SPMIP11: variants seen among roughly 807,000 people sequenced by gnomAD.
SPMIP11 encodes long intergenic non-protein coding RNA 935.
the SPMIP11 span, among the ~76,000 whole-genome samples, chr12:48,749,306 C>T: frequency 6.6e-6 from 1 of 150,884 alleles, no homozygotes; most frequent in East Asian, 2.0e-4. Flanking sequence ...CCCTCATTTC[C>T]TATTTCTCTG....
At chr12:48,732,142 G>A in the SPMIP11 span, among the ~76,000 whole-genome samples, 1 of 140,278 alleles carries the variant, frequency 7.1e-6, no homozygotes, top group Non-Finnish European at 1.5e-5. Flanking sequence ...GAGTAAGATT[G>A]TCTCAAAAAA....
the SPMIP11 span, among the ~76,000 whole-genome samples, chr12:48,746,780 G>A: frequency 1.3e-4 from 19 of 151,994 alleles, no homozygotes; most frequent in Non-Finnish European, 2.1e-4. Context: ...AATTAGCTGG[G>A]CATGGTGGTG....
chr12:48,768,156 TTTGTACAAAATA>T, the SPMIP11 span: 2 of 253,262 alleles, frequency 7.9e-6, no homozygotes, highest in Non-Finnish European at 1.6e-5. Flanking sequence ...CATGCCTGTC[TTTGTACAAAATA>T]TTGTACAAAA....
At chr12:48,741,058 C>A in the SPMIP11 span, among the ~76,000 whole-genome samples, 1 of 145,500 alleles carries the variant, frequency 6.9e-6, no homozygotes, top group Non-Finnish European at 1.5e-5. Context: ...ACCTTCGTTT[C>A]ATGATATTGA....
At chr12:48,745,405 G>A in the SPMIP11 span, among the ~76,000 whole-genome samples, 1 of 151,952 alleles carries the variant, frequency 6.6e-6, no homozygotes, top group Non-Finnish European at 1.5e-5. Context: ...AGGAGTTCGA[G>A]ACCAGCCTGA....
the SPMIP11 span, among the ~76,000 whole-genome samples, chr12:48,728,068 C>T: frequency 2.6e-5 from 4 of 151,524 alleles, no homozygotes; most frequent in African/African-American, 4.8e-5. Context: ...AAAAGACACA[C>T]AATTTGTTCA....
At chr12:48,728,577 G>GGGCA in the SPMIP11 span, among the ~76,000 whole-genome samples, 1 of 152,004 alleles carries the variant, frequency 6.6e-6, no homozygotes, top group Non-Finnish European at 1.5e-5. Flanking sequence ...GCGTGATGGC[G>GGGCA]GGCGCCTGTA....
At chr12:48,742,631 C>G in the SPMIP11 span, among the ~76,000 whole-genome samples, 2 of 152,198 alleles carry the variant, frequency 1.3e-5, no homozygotes, top group South Asian at 4.1e-4. Flanking sequence ...CACCTGTAAT[C>G]TCAGCACTTT....
chr12:48,760,380 G>A, the SPMIP11 span, among the ~76,000 whole-genome samples: 1 of 151,396 alleles, frequency 6.6e-6, no homozygotes, highest in Non-Finnish European at 1.5e-5. Flanking sequence ...GTCATGCTAT[G>A]TTGTCCAGGC....
the SPMIP11 span, chr12:48,771,084 G>A: frequency 8.6e-6 from 9 of 1,047,980 alleles, no homozygotes; most frequent in South Asian, 1.5e-5. This position sits in a 1 kb window ranked among gnomAD's most constrained non-coding sequence, Gnocchi z 4.3. Context: ...TGTCTCAAGA[G>A]CCCCCTTCCA....
At chr12:48,768,922 T>A in the SPMIP11 span, 1 of 1,599,734 alleles carries the variant, frequency 6.3e-7, no homozygotes, top group Non-Finnish European at 8.5e-7. Context: ...CAGCCCCTGC[T>A]CATATCCCCC....
At chr12:48,755,260 A>G in the SPMIP11 span, among the ~76,000 whole-genome samples, 5 of 152,142 alleles carry the variant, frequency 3.3e-5, no homozygotes, top group Non-Finnish European at 7.4e-5. Context: ...GCAACCCCCA[A>G]TTTGTGGCCC....
At chr12:48,742,473 G>A in the SPMIP11 span, among the ~76,000 whole-genome samples, 1 of 151,012 alleles carries the variant, frequency 6.6e-6, no homozygotes. Context: ...GTAGAGACGG[G>A]GTTTTACCAT....
chr12:48,757,272 T>TA, the SPMIP11 span, among the ~76,000 whole-genome samples: 3 of 152,088 alleles, frequency 2.0e-5, no homozygotes, highest in African/African-American at 7.2e-5. Context: ...AAAATTAAAT[T>TA]TTTTTCAAAC....
chr12:48,743,067 G>A, the SPMIP11 span, among the ~76,000 whole-genome samples: 1 of 151,712 alleles, frequency 6.6e-6, no homozygotes, highest in African/African-American at 2.4e-5. Context: ...GGGCAACATG[G>A]TGCCTGTCTC....
the SPMIP11 span, among the ~76,000 whole-genome samples, chr12:48,737,637 A>T: frequency 6.6e-6 from 1 of 150,848 alleles, no homozygotes; most frequent in Non-Finnish European, 1.5e-5. Context: ...CTGGTCTCGA[A>T]CTCCCTACCT....
At chr12:48,728,240 T>C in the SPMIP11 span, among the ~76,000 whole-genome samples, 1 of 152,182 alleles carries the variant, frequency 6.6e-6, no homozygotes, top group Non-Finnish European at 1.5e-5. Flanking sequence ...AAAATTGCAA[T>C]ATATTGTATG....
At chr12:48,751,456 A>T in the SPMIP11 span, among the ~76,000 whole-genome samples, 2 of 151,878 alleles carry the variant, frequency 1.3e-5, no homozygotes, top group Non-Finnish European at 2.9e-5. Flanking sequence ...TCTACAAAAA[A>T]TTAGTCAGGT....
chr12:48,743,716 C>T, the SPMIP11 span, among the ~76,000 whole-genome samples: 3 of 151,686 alleles, frequency 2.0e-5, no homozygotes, highest in Non-Finnish European at 2.9e-5. Context: ...CCAAGGCGGG[C>T]GGATCGCCTG....
Sources: allele counts gnomAD v4.1 joint callset (sites outside exome capture counted in the v4.1 genomes callset), GRCh38; gene constraint gnomAD v4.1.1; non-coding constraint Gnocchi (gnomAD v3.1); transcripts MANE v1.5; gene names NCBI Gene and HGNC (gene_info 2026-07-23, HGNC 2026-07-21).